Variants in UTS2 observed in about 807,000 individuals in gnomAD.
UTS2 encodes the protein urotensin-2.
In UTS2, 10 loss-of-function variants were observed where a neutral mutation model predicts 12.6. That is an observed-to-expected ratio of 0.80 (90% CI 0.49 to 1.35). The LOEUF is 1.35. Ranked by LOEUF, UTS2 falls within the 40% of genes most tolerant of loss-of-function variation. UTS2 has a pLI of 0.00. For synonymous variants in UTS2, 52 were observed against 50.0 expected (o/e 1.04, Z -0.17); for missense variants, 142 against 143.2 (o/e 0.99, Z 0.04).
At chr1:7,881,547 T>TA in the UTS2 span, among the ~76,000 whole-genome samples, 3 of 151,894 alleles carry the variant, frequency 2.0e-5, no homozygotes, top group South Asian at 4.2e-4. Flanking sequence ...ATAAAATAAA[T>TA]AAAAAATCTA....
At chr1:7,871,960 A>G in the UTS2 span, among the ~76,000 whole-genome samples, 2 of 152,156 alleles carry the variant, frequency 1.3e-5, no homozygotes, top group African/African-American at 4.8e-5. Context: ...TAAGTGTTCA[A>G]CTGAAAGGCA....
the UTS2 span, among the ~76,000 whole-genome samples, chr1:7,859,604 G>A: frequency 1.3e-5 from 2 of 152,198 alleles, no homozygotes; most frequent in African/African-American, 2.4e-5. Flanking sequence ...TGAGCCATGC[G>A]CCCAGCATGT....
intron 3 of UTS2, among the ~76,000 whole-genome samples, chr1:7,848,919 G>C (rs1158825853): frequency 6.6e-6 from 1 of 152,142 alleles, no homozygotes; most frequent in Non-Finnish European, 1.5e-5. Flanking sequence ...ATCACCTGGG[G>C]ATCTTGTTAA....
chr1:7,849,710 A>G, intron 2 of UTS2, 27 bp from the exon 3 acceptor site: 3 of 1,595,010 alleles, frequency 1.9e-6, no homozygotes, highest in South Asian at 1.1e-5. Flanking sequence ...AAGCCAGTTC[A>G]TCAGATCTGT....
chr1:7,898,948 AAAG>A, the UTS2 span, among the ~76,000 whole-genome samples: 4 of 152,124 alleles, frequency 2.6e-5, no homozygotes, highest in Non-Finnish European at 5.9e-5. Flanking sequence ...TTTATAAAGA[AAAG>A]AGGTTGAATT....
the UTS2 span, among the ~76,000 whole-genome samples, chr1:7,891,536 A>AAAACAAAGAAAG: frequency 9.1e-6 from 1 of 109,820 alleles, no homozygotes; most frequent in Non-Finnish European, 1.8e-5. Flanking sequence ...AGAAAGAAAG[A>AAAACAAAGAAAG]AAAGAAAGAA....
the UTS2 span, among the ~76,000 whole-genome samples, chr1:7,902,612 G>A: frequency 2.0e-4 from 31 of 152,168 alleles, no homozygotes; most frequent in African/African-American, 6.7e-4. Flanking sequence ...TTTTTATAGG[G>A]ACGGGGGTCT....
the UTS2 span, among the ~76,000 whole-genome samples, chr1:7,874,736 G>A: frequency 0.32 from 48,750 of 152,058 alleles, 8,876 homozygotes; most frequent in South Asian, 0.46. Flanking sequence ...CTCATCTCCA[G>A]TTGTAATCCA....
chr1:7,906,491 G>GAAAGAAAGAAAGA, the UTS2 span, among the ~76,000 whole-genome samples: 2 of 123,322 alleles, frequency 1.6e-5, no homozygotes, highest in African/African-American at 3.0e-5. Context: ...AAGAAAGAAA[G>GAAAGAAAGAAAGA]AAAGAAAGAA....
the UTS2 span, among the ~76,000 whole-genome samples, chr1:7,898,712 C>T: frequency 6.6e-5 from 10 of 152,050 alleles, no homozygotes; most frequent in Admixed American, 4.6e-4. Context: ...CTCCTGACCT[C>T]GTGATCCACC....
At chr1:7,906,512 G>A in the UTS2 span, among the ~76,000 whole-genome samples, 4 of 59,084 alleles carry the variant, frequency 6.8e-5, no homozygotes, top group East Asian at 6.6e-4. Flanking sequence ...AGAAAGAAAA[G>A]AGGGAGGGAG....
intron 1 of UTS2, among the ~76,000 whole-genome samples, chr1:7,852,101 C>CTT (rs1298910375): frequency 6.6e-6 from 1 of 151,506 alleles, no homozygotes; most frequent in African/African-American, 2.4e-5. Context: ...TTGGGATGAA[C>CTT]TTTTAGAGAC....
chr1:7,898,893 A>C, the UTS2 span, among the ~76,000 whole-genome samples: 1 of 152,140 alleles, frequency 6.6e-6, no homozygotes. Context: ...TTACTGTATT[A>C]GTCCATTCTC....
At chr1:7,913,000 T>A in the UTS2 span, among the ~76,000 whole-genome samples, 1 of 151,904 alleles carries the variant, frequency 6.6e-6, no homozygotes. Context: ...TCTTTTTTTT[T>A]TTTTTTGTTT....
chr1:7,851,672 A>G (rs140068559), intron 1 of UTS2, among the ~76,000 whole-genome samples: 3 of 152,334 alleles, frequency 2.0e-5, no homozygotes, highest in African/African-American at 4.8e-5. Flanking sequence ...ATTGGAGGAC[A>G]GTGAGCAGAT....
chr1:7,907,460 T>C, the UTS2 span, among the ~76,000 whole-genome samples: 4 of 151,694 alleles, frequency 2.6e-5, no homozygotes, highest in Non-Finnish European at 5.9e-5. Flanking sequence ...CAGCAGGGCA[T>C]CATAGCAAGA....
chr1:7,863,109 T>C, the UTS2 span, among the ~76,000 whole-genome samples: 3 of 135,838 alleles, frequency 2.2e-5, no homozygotes, highest in African/African-American at 8.9e-5. Context: ...TATTGTATTG[T>C]ATTGTATTGT....
chr1:7,861,214 G>T, the UTS2 span, among the ~76,000 whole-genome samples: 3 of 152,156 alleles, frequency 2.0e-5, no homozygotes, highest in Non-Finnish European at 2.9e-5. Context: ...GACGTTACCT[G>T]TAACCAAACT....
At chr1:7,858,352 T>C (rs1638356391), upstream of UTS2, among the ~76,000 whole-genome samples, 1 of 152,098 alleles carries the variant, frequency 6.6e-6, no homozygotes, top group Non-Finnish European at 1.5e-5. Context: ...TTCCTCTAAT[T>C]AGCTGCAAAC....
Sources: allele counts gnomAD v4.1 joint callset (sites outside exome capture counted in the v4.1 genomes callset), GRCh38; gene constraint gnomAD v4.1.1; transcripts MANE v1.5; gene names NCBI Gene and HGNC (gene_info 2026-07-23, HGNC 2026-07-21).